EXT1: variants seen among roughly 807,000 people sequenced by gnomAD.
EXT1 encodes exostosin glycosyltransferase 1.
Under a neutral mutation model 82.5 loss-of-function variants are expected in EXT1, and 20 were observed. The ratio of observed to expected loss-of-function variants is 0.24; its 90% confidence interval spans 0.17 to 0.35. The LOEUF (loss-of-function observed/expected upper bound fraction) is 0.35, where lower values mean the gene tolerates loss of function less well. Among genes scored for constraint, EXT1 ranks in the 10% least tolerant of loss-of-function variants. The probability of loss-of-function intolerance (pLI) is 1.00; values close to 1 mark genes in which losing one functional copy is unlikely to be tolerated. For synonymous variants in EXT1, 348 were observed against 350.8 expected, an observed-to-expected ratio of 0.99 and a Z score of 0.09; for missense variants, 757 against 936.5, an observed-to-expected ratio of 0.81 and a Z score of 2.50.
intron 1 of EXT1, among the ~76,000 whole-genome samples, chr8:117,866,539 C>T (rs1812776784): frequency 6.6e-6 from 1 of 152,122 alleles, no homozygotes; most frequent in Non-Finnish European, 1.5e-5. Flanking sequence ...TAACCAAGCT[C>T]AAGGACAGTG....
intron 1 of EXT1, among the ~76,000 whole-genome samples, chr8:118,055,086 A>G (rs1816775508): frequency 6.6e-6 from 1 of 152,166 alleles, no homozygotes; most frequent in South Asian, 2.1e-4. Flanking sequence ...CACTTCCAAT[A>G]TTAAGTTAAT....
Position 117,858,746 on chromosome 8 carries a change from A to C in EXT1, c.963-21545T>G, listed in dbSNP as rs56017698. ...GAAGGAAGGAAGGAAGGAAGGAAGG[A>C]AGGAAGGAAGGAAGGAAGGAAGGCA... On this transcript the variant is annotated intron_variant, in intron 1 of 10. Transcript: ENST00000378204. Among the ~76,000 whole-genome samples, 184 of 59,888 alleles carry C rather than the reference A, an allele frequency of 3.1e-3. 2 individuals are homozygous for C. The highest frequency in any genetic ancestry group is 3.8e-3 in the Non-Finnish European group (98 of 25,826). The allele number at this position is 59,888 out of a possible 152,430, so 39.3% of individuals were successfully genotyped here.
At chr8:117,854,257 A>G (rs1812503156) in intron 1 of EXT1, among the ~76,000 whole-genome samples, 1 of 152,178 alleles carries the variant, frequency 6.6e-6, no homozygotes, top group South Asian at 2.1e-4. Context: ...CAAAGACACT[A>G]TTTTCATCCA....
intron 1 of EXT1, among the ~76,000 whole-genome samples, chr8:118,074,503 G>A (rs1484273567): frequency 2.0e-5 from 3 of 152,218 alleles, no homozygotes; most frequent in Admixed American, 1.3e-4. Context: ...AGCCCCACGC[G>A]TGTCCGGCCC....
chr8:118,047,446 A>G (rs1816640250), intron 1 of EXT1, among the ~76,000 whole-genome samples: 1 of 152,206 alleles, frequency 6.6e-6, no homozygotes, highest in Admixed American at 6.5e-5. Flanking sequence ...AACAGGGCCC[A>G]GGACATAGAG....
In EXT1 at chr8:117,903,872, C is replaced by T. The variant is rs1224393544; in HGVS notation, c.963-66671G>A. Among the ~76,000 whole-genome samples, 3 of 152,202 alleles carry T rather than the reference C, an allele frequency of 2.0e-5. No homozygotes were observed. In the East Asian group the frequency reaches 5.8e-4, roughly 29 times the overall value. On this transcript the variant is annotated intron_variant, in intron 1 of 10. Coordinates refer to ENST00000378204, the MANE Select transcript of EXT1 (RefSeq NM_000127.3). The stretch of plus-strand genomic sequence containing the variant: ...AAAAATCCGAACTATAAAGGATGTT[C>T]TAATGGCAGAAGCTGGGAACAGTCA...
At chr8:117,837,298 A>G (rs1812204002) in intron 1 of EXT1, 97 bp from the exon 2 acceptor site, 2 of 1,002,368 alleles carry the variant, frequency 2.0e-6, no homozygotes, top group Middle Eastern at 2.1e-4. Context: ...ATTTACGCAA[A>G]GCAACTCGGG....
chr8:117,882,394 C>T (rs1813076466), intron 1 of EXT1, among the ~76,000 whole-genome samples: 1 of 152,064 alleles, frequency 6.6e-6, no homozygotes, highest in African/African-American at 2.4e-5. Context: ...GTTTAGTTAA[C>T]TTTGAATGGC....
intron 1 of EXT1, among the ~76,000 whole-genome samples, chr8:118,092,697 C>T (rs1158653446): frequency 6.6e-6 from 1 of 152,218 alleles, no homozygotes; most frequent in African/African-American, 2.4e-5. Flanking sequence ...GAAATCAACT[C>T]TTAGATTACC....
chr8:118,109,260 G>A (rs550420516), intron 1 of EXT1, among the ~76,000 whole-genome samples: 107 of 151,594 alleles, frequency 7.1e-4, no homozygotes, highest in African/African-American at 2.4e-3. Context: ...CATTCAAAGA[G>A]TAACAGTCTA....
chr8:117,886,975 T>C (rs1318673686), intron 1 of EXT1, among the ~76,000 whole-genome samples: 1 of 152,208 alleles, frequency 6.6e-6, no homozygotes, highest in African/African-American at 2.4e-5. Flanking sequence ...TAGGTGACTT[T>C]TGGCAGGATA....
chr8:117,939,994 T>C (rs1206463274), intron 1 of EXT1, among the ~76,000 whole-genome samples: 3 of 152,230 alleles, frequency 2.0e-5, no homozygotes, highest in East Asian at 3.8e-4. Flanking sequence ...AACTAGGACA[T>C]GGTGGCCCTT....
chr8:117,972,148 CAAAA>C (rs34241911), intron 1 of EXT1, among the ~76,000 whole-genome samples: 1 of 107,422 alleles, frequency 9.3e-6, no homozygotes, highest in Non-Finnish European at 1.9e-5. Context: ...AAAACTCCAA[CAAAA>C]AAAAAAAAAA....
At chr8:118,076,259 C>T (rs1451802967) in intron 1 of EXT1, among the ~76,000 whole-genome samples, 1 of 152,116 alleles carries the variant, frequency 6.6e-6, no homozygotes, top group East Asian at 1.9e-4. Context: ...TTCACTTTCC[C>T]CATTAGATCC....
At chr8:117,999,972 A>ATG (rs750993766) in intron 1 of EXT1, among the ~76,000 whole-genome samples, 41 of 148,018 alleles carry the variant, frequency 2.8e-4, no homozygotes, top group Admixed American at 7.4e-4. Flanking sequence ...ATATATATAT[A>ATG]TGTGTGTGTG....
intron 1 of EXT1, among the ~76,000 whole-genome samples, chr8:117,880,128 A>G (rs1813035651): frequency 6.6e-6 from 1 of 152,190 alleles, no homozygotes; most frequent in Non-Finnish European, 1.5e-5. Flanking sequence ...ACCATTCTAC[A>G]AGCAAGTTTG....
chr8:118,050,800 C>T (rs1043934966), intron 1 of EXT1, among the ~76,000 whole-genome samples: 3 of 152,184 alleles, frequency 2.0e-5, no homozygotes, highest in Non-Finnish European at 2.9e-5. Context: ...ACCAGGTCTA[C>T]ACCATCCATA....
intron 1 of EXT1, among the ~76,000 whole-genome samples, chr8:118,077,137 G>A (rs1358986308): frequency 6.6e-6 from 1 of 152,180 alleles, no homozygotes; most frequent in Non-Finnish European, 1.5e-5. Flanking sequence ...TAGGAGGCAA[G>A]ACACAGTCCT....
chr8:117,807,444 T>C, intron 8 of EXT1, 67 bp from the exon 9 acceptor site: 1 of 1,561,130 alleles, frequency 6.4e-7, no homozygotes, highest in Non-Finnish European at 8.8e-7. Flanking sequence ...AACATTACCT[T>C]CTCCCCACTA....
Sources: gnomAD v4.1 joint callset for allele counts (sites outside exome capture counted in the v4.1 genomes callset) on GRCh38, gnomAD v4.1.1 for gene constraint, MANE v1.5 for transcripts, NCBI Gene and HGNC (gene_info 2026-07-23, HGNC 2026-07-21) for gene names.